ZNF804A: variants seen among roughly 807,000 people sequenced by gnomAD.
ZNF804A encodes zinc finger protein 804A.
A neutral mutation model predicts 16.5 loss-of-function variants in ZNF804A; 2 were observed. The ratio of observed to expected loss-of-function variants is 0.12; its 90% confidence interval spans 0.05 to 0.38. ZNF804A has a LOEUF of 0.38. Ranked by LOEUF, ZNF804A falls within the 10% of genes least tolerant of loss-of-function variation. The pLI is 0.99. For missense variants in ZNF804A, 1,473 were observed against 1,390.7 expected, an observed-to-expected ratio of 1.06 and a Z score of -0.94; for synonymous variants, 534 against 489.6, an observed-to-expected ratio of 1.09 and a Z score of -1.20.
chr2:184,756,792 A>G (rs1312646200), intron 1 of ZNF804A, among the ~76,000 whole-genome samples: 1 of 152,018 alleles, frequency 6.6e-6, no homozygotes, highest in Non-Finnish European at 1.5e-5. Flanking sequence ...CTTTTTTCAT[A>G]AATACATTTC....
At chr2:184,754,388 T>G (rs1351075202) in intron 1 of ZNF804A, among the ~76,000 whole-genome samples, 1 of 151,960 alleles carries the variant, frequency 6.6e-6, no homozygotes, top group East Asian at 1.9e-4. Flanking sequence ...ATATAATTCC[T>G]GAACTCACTT....
intron 1 of ZNF804A, among the ~76,000 whole-genome samples, chr2:184,673,905 T>A (rs1692378615): frequency 6.6e-6 from 1 of 152,168 alleles, no homozygotes; most frequent in Non-Finnish European, 1.5e-5. Flanking sequence ...GGTAATAGAA[T>A]GAATAATTCC....
At chr2:184,625,857 CT>C (rs1691486485) in intron 1 of ZNF804A, among the ~76,000 whole-genome samples, 1 of 151,920 alleles carries the variant, frequency 6.6e-6, no homozygotes, top group South Asian at 2.1e-4. Flanking sequence ...TTGAGGATTT[CT>C]TTTTTTAATT....
At chr2:184,775,648 A>G (rs1465869980) in intron 1 of ZNF804A, among the ~76,000 whole-genome samples, 2 of 151,680 alleles carry the variant, frequency 1.3e-5, no homozygotes, top group African/African-American at 4.8e-5. Flanking sequence ...TTCTTTTCAT[A>G]TTCTCAGACA....
At chr2:184,831,974 A>T (rs1215501651) in intron 1 of ZNF804A, among the ~76,000 whole-genome samples, 1 of 152,004 alleles carries the variant, frequency 6.6e-6, no homozygotes, top group South Asian at 2.1e-4. Context: ...TTTCTCTCTT[A>T]CCATATATAG....
rs1346196655 is a variant in ZNF804A at position 184,938,917 on chromosome 2, C to G, written c.3521C>G (p.Ala1174Gly). Residue 1174 changes from alanine (A) to glycine (G), a missense_variant, in exon 4 of 4, where the codon GCT (alanine) becomes GGT (glycine). Coordinates refer to ENST00000302277, the MANE Select transcript of ZNF804A (RefSeq NM_194250.2). ...CCTCCTCAGATGCCAATCATTCCAGCTTCCGTTCTTCATCCTAGCCATCTG... is the reference window on the plus strand; with the variant it reads ...CCTCCTCAGATGCCAATCATTCCAGGTTCCGTTCTTCATCCTAGCCATCTG... ...VAPPQMPIIP[A>G]SVLHPSHLAF... is the part of the protein sequence containing the mutation. 1 of 1,614,004 alleles carries G rather than the reference C, an allele frequency of 6.2e-7. No homozygotes were observed. The highest frequency in any genetic ancestry group is 8.5e-7 in the Non-Finnish European group (1 of 1,179,992).
chr2:184,830,631 T>C (rs1457762227), intron 1 of ZNF804A, among the ~76,000 whole-genome samples: 1 of 152,162 alleles, frequency 6.6e-6, no homozygotes, highest in Non-Finnish European at 1.5e-5. Context: ...CAAGTAACTC[T>C]GATCCTTTTG....
intron 2 of ZNF804A, among the ~76,000 whole-genome samples, chr2:184,869,182 A>G (rs1481147508): frequency 6.6e-6 from 1 of 152,008 alleles, no homozygotes; most frequent in Non-Finnish European, 1.5e-5. Context: ...AGCATTTCAG[A>G]TAAGGGACAC....
At chr2:184,617,388 C>G (rs944488801) in intron 1 of ZNF804A, among the ~76,000 whole-genome samples, 1 of 151,498 alleles carries the variant, frequency 6.6e-6, no homozygotes, top group African/African-American at 2.4e-5. Context: ...TGTTGAATAA[C>G]AAAGCAAATG....
intron 1 of ZNF804A, among the ~76,000 whole-genome samples, chr2:184,602,412 T>C (rs1313204990): frequency 6.6e-6 from 1 of 151,970 alleles, no homozygotes; most frequent in East Asian, 1.9e-4. Flanking sequence ...GTTATAGGGC[T>C]TAACAGAAAA....
intron 1 of ZNF804A, among the ~76,000 whole-genome samples, chr2:184,777,068 C>A (rs567255420): frequency 4.0e-5 from 6 of 151,620 alleles, no homozygotes; most frequent in Admixed American, 3.3e-4. Flanking sequence ...TATTCCAGCA[C>A]ACCCTCAGAA....
intron 1 of ZNF804A, among the ~76,000 whole-genome samples, chr2:184,771,377 G>A (rs973898900): frequency 6.6e-6 from 1 of 151,824 alleles, no homozygotes; most frequent in African/African-American, 2.4e-5. Context: ...TGTACGTCAG[G>A]TGTCCAGACA....
intron 1 of ZNF804A, among the ~76,000 whole-genome samples, chr2:184,805,728 C>T (rs1558966763): frequency 6.6e-6 from 1 of 151,900 alleles, no homozygotes; most frequent in Non-Finnish European, 1.5e-5. Flanking sequence ...AGCAATTGAA[C>T]TAAGGAAACG....
Position 184,871,521 on chromosome 2 carries a change from T to TAC in ZNF804A, c.255+5010_255+5011dup, listed in dbSNP as rs558584084. On this transcript the variant is annotated intron_variant, in intron 2 of 3. Coordinates refer to ENST00000302277, the MANE Select transcript of ZNF804A (RefSeq NM_194250.2). ...TTTTAAAAATAAACATATATATATATACCAAGAGAAAAATCGCCAAGAGTG... is the reference window on the plus strand; with the variant it reads ...TTTTAAAAATAAACATATATATATATACACCAAGAGAAAAATCGCCAAGAGTG... Among the ~76,000 whole-genome samples, 12 of 151,148 alleles carry TAC rather than the reference T, an allele frequency of 7.9e-5. No homozygotes were observed. The East Asian group carries it at 2.1e-3, about 27-fold the overall frequency.
At chr2:184,689,294 A>G (rs1489210336) in intron 1 of ZNF804A, among the ~76,000 whole-genome samples, 1 of 152,134 alleles carries the variant, frequency 6.6e-6, no homozygotes, top group Non-Finnish European at 1.5e-5. Flanking sequence ...CTTCTAGATT[A>G]TTTGCCTTCA....
intron 1 of ZNF804A, among the ~76,000 whole-genome samples, chr2:184,698,383 T>C (rs1188297185): frequency 2.0e-5 from 3 of 152,050 alleles, no homozygotes; most frequent in African/African-American, 4.8e-5. Flanking sequence ...ATCAGTAATA[T>C]TACGGAGAAA....
chr2:184,881,235 G>T (rs1246301320), intron 2 of ZNF804A, among the ~76,000 whole-genome samples: 1 of 151,988 alleles, frequency 6.6e-6, no homozygotes, highest in Admixed American at 6.6e-5. Context: ...GAATAAAGGG[G>T]AATGAATGAC....
intron 1 of ZNF804A, among the ~76,000 whole-genome samples, chr2:184,629,120 T>C (rs1242408479): frequency 6.6e-6 from 1 of 152,176 alleles, no homozygotes; most frequent in African/African-American, 2.4e-5. Context: ...TTGAATTCCA[T>C]GTCTTGTTCT....
intron 1 of ZNF804A, among the ~76,000 whole-genome samples, chr2:184,618,157 A>G (rs1691356070): frequency 6.6e-6 from 1 of 152,144 alleles, no homozygotes; most frequent in Non-Finnish European, 1.5e-5. Flanking sequence ...GATTAGAATT[A>G]GGAAACACGT....
Sources: allele counts gnomAD v4.1 joint callset (sites outside exome capture counted in the v4.1 genomes callset), GRCh38; gene constraint gnomAD v4.1.1; transcripts MANE v1.5; gene names NCBI Gene and HGNC (gene_info 2026-07-23, HGNC 2026-07-21).